Variants in FAM53A observed in about 807,000 individuals in gnomAD.
FAM53A encodes the protein family with sequence similarity 53 member A.
FAM53A carries 28 observed loss-of-function variants against 26.6 expected under a neutral mutation model. The ratio of observed to expected loss-of-function variants is 1.05; its 90% confidence interval spans 0.78 to 1.45. The LOEUF (loss-of-function observed/expected upper bound fraction) is 1.45. Among genes scored for constraint, FAM53A ranks in the 40% most tolerant of loss-of-function variants. FAM53A has a pLI of 0.00. For synonymous variants in FAM53A, 290 were observed against 253.1 expected (o/e 1.15, Z -1.38); for missense variants, 650 against 575.8 (o/e 1.13, Z -1.32).
At chr4:1,660,322 G>A (rs564871375) in intron 2 of FAM53A, among the ~76,000 whole-genome samples, 7 of 146,014 alleles carry the variant, frequency 4.8e-5, no homozygotes, top group African/African-American at 8.0e-5. Flanking sequence ...CTTCAGGGCC[G>A]GACACAGGGA....
At chr4:1,613,474 T>C (rs1264981601), downstream of FAM53A, among the ~76,000 whole-genome samples, 1 of 152,194 alleles carries the variant, frequency 6.6e-6, no homozygotes, top group Non-Finnish European at 1.5e-5. Flanking sequence ...TTGGAGCTAA[T>C]GTTTGAACAT....
rs796664641 is a variant in FAM53A at position 1,672,363 on chromosome 4, GGAACCCAC to G, written c.-164-3466_-164-3459del. ...ATAGACCCATGGACCCAGGAACCCA[GGAACCCAC>G]GAACCCACGAACCCAGGAATCAGGA... On this transcript the variant is annotated intron_variant, in intron 1 of 4. Coordinates refer to ENST00000308132, the MANE Select transcript of FAM53A (RefSeq NM_001174070.3). Among the ~76,000 whole-genome samples the G allele has an allele frequency of 4.7e-3, 642 of 137,726 alleles. 6 individuals are homozygous for G. Among genetic ancestry groups the G allele is most frequent in the African/African-American group, 0.021 (617 of 30,020 alleles). The allele number at this position is 137,726 out of a possible 152,430, so 90.4% of individuals were successfully genotyped here.
chr4:1,603,393 C>T, the FAM53A span, among the ~76,000 whole-genome samples: 13 of 152,322 alleles, frequency 8.5e-5, no homozygotes, highest in East Asian at 2.3e-3. Flanking sequence ...GCAGAGCCGA[C>T]CACAGCAACA....
intron 1 of FAM53A, among the ~76,000 whole-genome samples, chr4:1,626,608 T>G (rs1461265052): frequency 2.2e-5 from 3 of 137,288 alleles, no homozygotes; most frequent in African/African-American, 8.5e-5. Flanking sequence ...ACAGTGATGT[T>G]TTGCATCTGG....
At chr4:1,579,522 C>T in the FAM53A span, among the ~76,000 whole-genome samples, 2 of 152,178 alleles carry the variant, frequency 1.3e-5, no homozygotes, top group African/African-American at 4.8e-5. Flanking sequence ...GCAACGCGCA[C>T]GGGTGGGGCC....
chr4:1,648,482 C>T (rs1156526560), intron 4 of FAM53A, among the ~76,000 whole-genome samples: 1 of 152,142 alleles, frequency 6.6e-6, no homozygotes, highest in African/African-American at 2.4e-5. Context: ...CTGTCCTCTG[C>T]AGCCGCGGTC....
intron 4 of FAM53A, among the ~76,000 whole-genome samples, chr4:1,652,961 C>G (rs1014749590): frequency 6.7e-6 from 1 of 150,296 alleles, no homozygotes; most frequent in Non-Finnish European, 1.5e-5. Flanking sequence ...CCACACAGAC[C>G]ACGCATACAC....
chr4:1,617,118 G>A (rs1032176185), downstream of FAM53A, among the ~76,000 whole-genome samples: 13 of 76,052 alleles, frequency 1.7e-4, no homozygotes, highest in Admixed American at 1.3e-3. Flanking sequence ...GGCAACAGAG[G>A]GAGACTCCAT....
downstream of FAM53A, chr4:1,617,854 C>T (rs1056210095): frequency 1.7e-5 from 6 of 362,826 alleles, no homozygotes; most frequent in South Asian, 6.2e-5. Context: ...AGGGTGCCTG[C>T]GCCCACCCCT....
At chr4:1,616,115 CG>C (rs1370689517), downstream of FAM53A, among the ~76,000 whole-genome samples, 1 of 152,124 alleles carries the variant, frequency 6.6e-6, no homozygotes, top group Non-Finnish European at 1.5e-5. Context: ...ATCAAGACAC[CG>C]GCAAGACGAA....
intron 4 of FAM53A, among the ~76,000 whole-genome samples, chr4:1,643,652 G>A (rs981538989): frequency 4.7e-5 from 7 of 148,080 alleles, no homozygotes; most frequent in Non-Finnish European, 7.4e-5. Flanking sequence ...CTGCAGCCTC[G>A]ACCTCCCGGG....
chr4:1,635,671 G>A (rs115293103), downstream of FAM53A, among the ~76,000 whole-genome samples: 2,039 of 152,064 alleles, frequency 0.013, 42 homozygotes, highest in African/African-American at 0.046. Flanking sequence ...CGGATCTGCC[G>A]CGCCCACTGC....
chr4:1,670,925 G>GGCCC (rs1553811569), intron 1 of FAM53A, among the ~76,000 whole-genome samples: 3 of 75,868 alleles, frequency 4.0e-5, no homozygotes, highest in South Asian at 4.6e-4. Flanking sequence ...AGCCACAGCC[G>GGCCC]GGACTCACCT....
At chr4:1,645,857 T>C (rs1712192637) in intron 4 of FAM53A, among the ~76,000 whole-genome samples, 1 of 152,232 alleles carries the variant, frequency 6.6e-6, no homozygotes, top group Non-Finnish European at 1.5e-5. Context: ...TGGTCCCTGC[T>C]ACAGTTTGAA....
At chr4:1,663,282 C>G (rs1432897089) in intron 2 of FAM53A, among the ~76,000 whole-genome samples, 2 of 152,166 alleles carry the variant, frequency 1.3e-5, no homozygotes, top group Non-Finnish European at 2.9e-5. Context: ...TTTGGCAGTT[C>G]CTCAAAATGT....
intron 1 of FAM53A, among the ~76,000 whole-genome samples, chr4:1,680,136 G>A (rs1163884037): frequency 1.3e-5 from 2 of 151,368 alleles, no homozygotes; most frequent in Non-Finnish European, 2.9e-5. Flanking sequence ...CCTGGCCAAC[G>A]TGGAGAAACC....
chr4:1,609,208 TC>T, the FAM53A span, among the ~76,000 whole-genome samples: 1 of 151,722 alleles, frequency 6.6e-6, no homozygotes, highest in East Asian at 1.9e-4. Context: ...CTGCCTGGGG[TC>T]CCCCACTCTC....
the FAM53A span, among the ~76,000 whole-genome samples, chr4:1,592,344 G>A: frequency 6.6e-6 from 1 of 152,220 alleles, no homozygotes; most frequent in Non-Finnish European, 1.5e-5. Context: ...GAGGGCTCCG[G>A]GAGGCAGCGT....
rs1711817943 is a variant in FAM53A at position 1,642,571 on chromosome 4, G to A, written c.883-964C>T. On this transcript the variant is annotated intron_variant, in intron 4 of 4. Coordinates refer to ENST00000308132, the MANE Select transcript of FAM53A (RefSeq NM_001174070.3). ...CATCCACCCAGGCGTGCTCTCTTGG[G>A]CGTCTCCAGGGCCCTGAGACCCAGC... Among the ~76,000 whole-genome samples, 4 of 152,192 alleles carry A rather than the reference G, an allele frequency of 2.6e-5. 1 individual carries two copies. In the South Asian group the frequency reaches 8.3e-4, roughly 31 times the overall value.
Sources: gnomAD v4.1 joint callset for allele counts (sites outside exome capture counted in the v4.1 genomes callset) on GRCh38, gnomAD v4.1.1 for gene constraint, MANE v1.5 for transcripts, NCBI Gene and HGNC (gene_info 2026-07-23, HGNC 2026-07-21) for gene names.